Variants in ARHGEF10 observed in about 807,000 individuals in gnomAD.
The protein encoded by ARHGEF10 is Rho guanine nucleotide exchange factor 10.
Under a neutral mutation model 147.4 loss-of-function variants are expected in ARHGEF10, and 140 were observed. The ratio of observed to expected loss-of-function variants is 0.95; its 90% CI spans 0.83 to 1.09. The LOEUF is 1.09. Ranked by LOEUF, ARHGEF10 falls within the 50% of genes least tolerant of loss-of-function variation. The pLI, the probability that ARHGEF10 is intolerant of heterozygous loss-of-function variation, is 0.00. For synonymous variants in ARHGEF10, 902 were observed against 695.8 expected (o/e 1.30, Z -4.67); for missense variants, 2,222 against 1,752.7 (o/e 1.27, Z -4.78).
chr8:1,874,878 G>GGTAGAGGTTCTAAGACAGGCTGGAGGAAC (rs1807540143), intron 7 of ARHGEF10, among the ~76,000 whole-genome samples: 1 of 69,016 alleles, frequency 1.4e-5, no homozygotes, highest in African/African-American at 6.0e-5. Flanking sequence ...TCTGGTGGGA[G>GGTAGAGGTTCTAAGACAGGCTGGAGGAAC]AGTGCAGACA....
chr8:1,916,892 C>T (rs2129197662), intron 18 of ARHGEF10, among the ~76,000 whole-genome samples: 1 of 152,340 alleles, frequency 6.6e-6, no homozygotes, highest in South Asian at 2.1e-4. Flanking sequence ...TTCTCTCCAG[C>T]CTTTTCCTCA....
chr8:1,848,394 C>A (rs1804719231), intron 2 of ARHGEF10, among the ~76,000 whole-genome samples: 1 of 152,308 alleles, frequency 6.6e-6, no homozygotes, highest in Admixed American at 6.5e-5. Flanking sequence ...CTCTCCGACT[C>A]CAGAAGCCGT....
At chr8:1,906,865 T>G (rs1810935723) in intron 17 of ARHGEF10, among the ~76,000 whole-genome samples, 1 of 152,254 alleles carries the variant, frequency 6.6e-6, no homozygotes, top group Non-Finnish European at 1.5e-5. Flanking sequence ...CTTTTCATCA[T>G]CGTCAGTGAC....
At position 1,861,770 on chromosome 8, in the gene ARHGEF10, C is replaced by T. The variant is rs1175561303; in HGVS notation, c.481+1586C>T. On this transcript the variant is annotated intron_variant, in intron 4 of 28. Transcript: ENST00000349830. Reference sequence around the variant, plus strand: ...AACTCACCACGGTCTGCATGATCCACGCTGCTGTTGTCACTCTGTGACCGC... The same window carrying T: ...AACTCACCACGGTCTGCATGATCCATGCTGCTGTTGTCACTCTGTGACCGC... Among the ~76,000 whole-genome samples, 11 of 152,334 alleles carry T rather than the reference C, an allele frequency of 7.2e-5. 1 individual carries two copies. The South Asian group carries it at 1.4e-3, about 20-fold the overall frequency.
chr8:1,935,943 C>G (rs1405661767), intron 26 of ARHGEF10, among the ~76,000 whole-genome samples: 1 of 152,230 alleles, frequency 6.6e-6, no homozygotes, highest in Non-Finnish European at 1.5e-5. Flanking sequence ...GGCTGTGGTG[C>G]CTGATGAGCC....
chr8:1,840,885 C>T (rs1027024469), intron 1 of ARHGEF10, among the ~76,000 whole-genome samples: 13 of 152,260 alleles, frequency 8.5e-5, no homozygotes, highest in African/African-American at 3.1e-4. Flanking sequence ...AGAGGGTGGG[C>T]CCCTACCGCC....
intron 4 of ARHGEF10, among the ~76,000 whole-genome samples, chr8:1,861,974 T>C (rs1806168701): frequency 6.6e-6 from 1 of 152,284 alleles, no homozygotes; most frequent in African/African-American, 2.4e-5. Context: ...AACAATTTGC[T>C]TATTTTTGTT....
At chr8:1,888,930 G>GAGTTATGAGGAGATACTGAGTTGGGTGA (rs1809100228) in intron 11 of ARHGEF10, among the ~76,000 whole-genome samples, 2 of 124,800 alleles carry the variant, frequency 1.6e-5, no homozygotes, top group African/African-American at 3.3e-5. Context: ...AGTGGGGTGA[G>GAGTTATGAGGAGATACTGAGTTGGGTGA]GGGTCTGTGA....
Position 1,865,378 on chromosome 8 carries a change from G to C in ARHGEF10, c.545+942G>C, listed in dbSNP as rs984755449. On this transcript the variant is annotated intron_variant, in intron 5 of 28. Transcript: ENST00000349830. ...CATGAGGCCATCACCAGGACACGGG[G>C]CATCCCCCAGCACCCAGGGGGTGGT... 4.0e-5 allele frequency among the ~76,000 whole-genome samples: 6 copies of C among 150,090 alleles called. No individual in the cohort carries two copies. The East Asian group carries it at 1.2e-3, about 30-fold the overall frequency.
chr8:1,852,173 A>G (rs995699295), intron 2 of ARHGEF10, among the ~76,000 whole-genome samples: 2 of 152,268 alleles, frequency 1.3e-5, no homozygotes, highest in African/African-American at 2.4e-5. Flanking sequence ...TGCAATAGCC[A>G]TGTGTGACTT....
chr8:1,903,813 G>A, intron 16 of ARHGEF10: 1 of 337,306 alleles, frequency 3.0e-6, no homozygotes. Flanking sequence ...ATATTTACAG[G>A]CTAGGCACAG....
intron 13 of ARHGEF10, 41 bp downstream of exon 13, chr8:1,894,613 A>G (rs1225993205): frequency 6.2e-7 from 1 of 1,604,056 alleles, no homozygotes; most frequent in African/African-American, 1.3e-5. Context: ...GGGGCTCTCC[A>G]TGCACCTGTC....
chr8:1,880,544 T>C (rs532269333), intron 9 of ARHGEF10, among the ~76,000 whole-genome samples: 2 of 152,378 alleles, frequency 1.3e-5, no homozygotes, highest in East Asian at 3.9e-4. Flanking sequence ...ATTTTTTAAA[T>C]GAACATTTAT....
intron 9 of ARHGEF10, among the ~76,000 whole-genome samples, chr8:1,881,182 G>A (rs913099396): frequency 3.3e-5 from 5 of 152,162 alleles, no homozygotes; most frequent in African/African-American, 1.2e-4. Flanking sequence ...GCTGGGCCCA[G>A]CACGCTCGCT....
intron 26 of ARHGEF10, among the ~76,000 whole-genome samples, chr8:1,936,772 C>G (rs981459797): frequency 1.3e-5 from 2 of 152,208 alleles, no homozygotes; most frequent in African/African-American, 4.8e-5. Context: ...CACACACTGA[C>G]GAGACCGGTT....
chr8:1,951,252 C>G (rs903247710), intron 27 of ARHGEF10, among the ~76,000 whole-genome samples: 23 of 152,254 alleles, frequency 1.5e-4, no homozygotes, highest in African/African-American at 5.5e-4. Flanking sequence ...GTCAGCACTT[C>G]GGAGCAGCTG....
At chr8:1,955,079 AC>A (rs1815392115) in intron 28 of ARHGEF10, among the ~76,000 whole-genome samples, 1 of 103,406 alleles carries the variant, frequency 9.7e-6, no homozygotes, top group Non-Finnish European at 2.0e-5. Flanking sequence ...AAGGAGGTGC[AC>A]TCTCACTGTT....
In ARHGEF10 at chr8:1,937,187, C is replaced by G. The variant is rs1299431130; in HGVS notation, c.3222+3245C>G. 1.3e-5 allele frequency among the ~76,000 whole-genome samples: 2 copies of G among 152,174 alleles called. No homozygotes were observed. Among genetic ancestry groups the G allele is most frequent in the Non-Finnish European group, 2.9e-5 (2 of 68,040 alleles). ...GTATTGTTCCTGTTACTTTTCATAT[C>G]CATCTGACACTTCTTATTTCACGTG... On this transcript the variant is annotated intron_variant, in intron 26 of 28. Coordinates refer to ENST00000349830, the MANE Select transcript of ARHGEF10 (RefSeq NM_014629.4). This position sits in a 1 kb window ranked among gnomAD's most constrained non-coding sequence, Gnocchi z 4.9.
chr8:1,876,431 G>T (rs534261532), intron 7 of ARHGEF10, 140 bp from the exon 8 acceptor site: 1 of 908,318 alleles, frequency 1.1e-6, no homozygotes, highest in Non-Finnish European at 1.8e-6. Flanking sequence ...AGCAAGCCCG[G>T]GGCTCCGCAG....
Sources: gnomAD v4.1 joint callset for allele counts (sites outside exome capture counted in the v4.1 genomes callset) on GRCh38, gnomAD v4.1.1 for gene constraint, Gnocchi (gnomAD v3.1) non-coding constraint, MANE v1.5 for transcripts, NCBI Gene and HGNC (gene_info 2026-07-23, HGNC 2026-07-21) for gene names.